The following PAK4 variants were observed in gnomAD, a reference collection of about 807,000 sequenced individuals.
The protein encoded by PAK4 is p21 (RAC1) activated kinase 4, also known as serine/threonine-protein kinase PAK 4.
A neutral mutation model predicts 53.5 loss-of-function variants in PAK4; 49 were observed. The observed-to-expected ratio is 0.92, with a 90% CI of 0.73 to 1.16. The LOEUF (loss-of-function observed/expected upper bound fraction) is 1.16, where lower values mean the gene tolerates loss of function less well. Among genes scored for constraint, PAK4 ranks in the 50% most tolerant of loss-of-function variants. The pLI is 0.00. For missense variants in PAK4, 824 were observed against 850.7 expected (o/e 0.97, Z 0.39); for synonymous variants, 376 against 375.6 (o/e 1.00, Z -0.01).
At chr19:39,158,322 C>T (rs1468114077) in intron 1 of PAK4, among the ~76,000 whole-genome samples, 2 of 152,080 alleles carry the variant, frequency 1.3e-5, no homozygotes, top group Admixed American at 6.5e-5. Flanking sequence ...GCCGTGGTTG[C>T]TGCCTGGTGT....
At chr19:39,139,224 C>T (rs879770423) in intron 1 of PAK4, among the ~76,000 whole-genome samples, 9 of 152,190 alleles carry the variant, frequency 5.9e-5, no homozygotes, top group East Asian at 3.9e-4. Context: ...GAAGCCTCCT[C>T]GGGCCTCCCT....
intron 1 of PAK4, among the ~76,000 whole-genome samples, chr19:39,148,513 A>G (rs372317447): frequency 8.7e-4 from 91 of 104,396 alleles, no homozygotes; most frequent in Middle Eastern, 0.012. Context: ...TCTGTTGCCC[A>G]GGCTGGAGTG....
intron 2 of PAK4, among the ~76,000 whole-genome samples, chr19:39,170,696 G>A (rs917590879): frequency 5.3e-5 from 8 of 152,198 alleles, no homozygotes; most frequent in South Asian, 2.1e-4. Context: ...CCAGCCTGGC[G>A]GGGAGAAGCC....
At chr19:39,127,218 A>T (rs1046516502) in intron 1 of PAK4, among the ~76,000 whole-genome samples, 4 of 151,616 alleles carry the variant, frequency 2.6e-5, no homozygotes, top group African/African-American at 9.7e-5. Flanking sequence ...TTAAAACCCT[A>T]AGCTCTCACT....
intron 1 of PAK4, among the ~76,000 whole-genome samples, chr19:39,152,979 C>T (rs1029597555): frequency 2.0e-5 from 3 of 152,150 alleles, no homozygotes; most frequent in African/African-American, 7.2e-5. Context: ...GTGAGCATCC[C>T]TGGATGTGGT....
intron 1 of PAK4, among the ~76,000 whole-genome samples, chr19:39,151,343 G>C (rs2074090821): frequency 6.6e-6 from 1 of 152,238 alleles, no homozygotes; most frequent in Non-Finnish European, 1.5e-5. Context: ...TATCAGCAGA[G>C]ATCAGAGAGA....
At chr19:39,165,446 C>T (rs2074357265) in intron 1 of PAK4, among the ~76,000 whole-genome samples, 2 of 150,054 alleles carry the variant, frequency 1.3e-5, no homozygotes, top group South Asian at 2.1e-4. Flanking sequence ...ACCCGGGAGG[C>T]GGAGGTTGCA....
At chr19:39,156,655 G>C (rs1038749353) in intron 1 of PAK4, 1 of 151,694 alleles carries the variant, frequency 6.6e-6, no homozygotes, top group Non-Finnish European at 1.5e-5. Flanking sequence ...CCACAGCCGA[G>C]GCTCAACTCC....
At position 39,148,466 on chromosome 19, in the gene PAK4, C is replaced by CTTTTTTTTTTCT. The variant is rs2074040220; in HGVS notation, c.-22-21056_-22-21055insCTTTTTTTTTTT. ...TTAGGTACCAAATAAGTTTCTTCTG[C>CTTTTTTTTTTCT]TTTTTTTTTTTTTTTTTTTTTGAGA... On this transcript the variant is annotated intron_variant, in intron 1 of 8. Coordinates refer to ENST00000358301, the Ensembl canonical transcript of PAK4. 1.2e-4 allele frequency among the ~76,000 whole-genome samples: 7 copies of CTTTTTTTTTTCT among 56,798 alleles called. No individual in the cohort carries two copies. The Admixed American group carries it at 2.4e-3, about 19-fold the overall frequency. 37.3% of individuals were successfully genotyped at this position (56,798 alleles called of 152,430 possible).
At chr19:39,138,052 G>A (rs1600316151) in intron 1 of PAK4, among the ~76,000 whole-genome samples, 5 of 151,612 alleles carry the variant, frequency 3.3e-5, no homozygotes, top group Admixed American at 3.3e-4. Context: ...TTCAAGATTG[G>A]CTCACTGCAG....
chr19:39,159,639 C>T (rs890012671), intron 1 of PAK4, among the ~76,000 whole-genome samples: 5 of 152,184 alleles, frequency 3.3e-5, no homozygotes, highest in African/African-American at 9.7e-5. Context: ...CCACCTGCCT[C>T]GGCCTCCCAA....
At chr19:39,145,570 A>T (rs371405907) in intron 1 of PAK4, among the ~76,000 whole-genome samples, 2 of 152,120 alleles carry the variant, frequency 1.3e-5, no homozygotes, top group South Asian at 2.1e-4. Context: ...GGCCACCTCC[A>T]GTGGAAGTGG....
At chr19:39,177,534 TG>T in intron 7 of PAK4, 140 bp from the exon 9 acceptor site, 1 of 818,122 alleles carries the variant, frequency 1.2e-6, no homozygotes, top group Non-Finnish European at 1.8e-6. Flanking sequence ...GACTGCTGGC[TG>T]GGTGCCCAAG....
Position 39,178,873 on chromosome 19 carries a change from A to C in PAK4, c.*294A>C. 1 of 381,570 alleles carries C rather than the reference A, an allele frequency of 2.6e-6. No individual in the cohort carries two copies. Among genetic ancestry groups the C allele is most frequent in the Non-Finnish European group, 4.7e-6 (1 of 210,972 alleles). The allele number at this position is 381,570 out of a possible 1,614,324, so 23.6% of individuals were successfully genotyped here. On this transcript the variant is annotated 3_prime_UTR_variant, in exon 9 of 9. Transcript: ENST00000358301. This position sits in a 1 kb window ranked among gnomAD's most constrained non-coding sequence, Gnocchi z 4.4. ...CAGGAAGGGCAGCGGCCCTCCCATC[A>C]CTGGAAGTCTGCAGTGGGGGTCGCT...
intron 1 of PAK4, among the ~76,000 whole-genome samples, chr19:39,144,863 A>G (rs1337872970): frequency 6.6e-6 from 1 of 152,186 alleles, no homozygotes; most frequent in African/African-American, 2.4e-5. Context: ...GCAAATACAG[A>G]GAAAGCTTTC....
At chr19:39,132,749 G>A (rs1275031035) in intron 1 of PAK4, among the ~76,000 whole-genome samples, 5 of 152,254 alleles carry the variant, frequency 3.3e-5, no homozygotes, top group African/African-American at 1.2e-4. Context: ...TGGGGAGGTT[G>A]TCTGGCTCAC....
chr19:39,155,031 G>C (rs2074154645), intron 1 of PAK4, among the ~76,000 whole-genome samples: 1 of 152,236 alleles, frequency 6.6e-6, no homozygotes, highest in Non-Finnish European at 1.5e-5. Flanking sequence ...TTGAGGAGTT[G>C]GCTGCAGGGG....
intron 1 of PAK4, among the ~76,000 whole-genome samples, chr19:39,167,125 G>A (rs1200344162): frequency 6.6e-6 from 1 of 152,214 alleles, no homozygotes; most frequent in African/African-American, 2.4e-5. Flanking sequence ...CCCCACCTCA[G>A]GGTCTGCCCC....
chr19:39,148,794 T>G (rs2074048838), intron 1 of PAK4, among the ~76,000 whole-genome samples: 1 of 152,072 alleles, frequency 6.6e-6, no homozygotes, highest in Non-Finnish European at 1.5e-5. Flanking sequence ...AGTTTTACAT[T>G]TAAGTCTGTG....
Sources: allele counts gnomAD v4.1 joint callset (sites outside exome capture counted in the v4.1 genomes callset), GRCh38; gene constraint gnomAD v4.1.1; non-coding constraint Gnocchi (gnomAD v3.1); transcripts MANE v1.5; gene names NCBI Gene and HGNC (gene_info 2026-07-23, HGNC 2026-07-21).